RBFOX1: variants seen among roughly 807,000 people sequenced by gnomAD.
RBFOX1 encodes the protein RNA binding fox-1 homolog 1.
Under a neutral mutation model 57.7 loss-of-function variants are expected in RBFOX1, and 8 were observed. The ratio of observed to expected loss-of-function variants is 0.14; its 90% CI spans 0.08 to 0.25. The LOEUF (loss-of-function observed/expected upper bound fraction) is 0.25, where lower values mean the gene tolerates loss of function less well. Among genes scored for constraint, RBFOX1 ranks in the 10% least tolerant of loss-of-function variants. The probability of loss-of-function intolerance (pLI) is 1.00; values close to 1 mark genes in which losing one functional copy is unlikely to be tolerated. For synonymous variants in RBFOX1, 326 were observed against 222.4 expected (o/e 1.47, Z -4.15); for missense variants, 611 against 548.5 (o/e 1.11, Z -1.14).
At chr16:6,887,155 C>A (rs2064248524) in intron 3 of RBFOX1, among the ~76,000 whole-genome samples, 1 of 152,102 alleles carries the variant, frequency 6.6e-6, no homozygotes, top group South Asian at 2.1e-4. Context: ...CTCTGCTGTT[C>A]TTCTTGTTAT....
In RBFOX1 at chr16:6,929,455, C is replaced by T. The variant is rs543948283; in HGVS notation, c.-15-122602C>T. On this transcript the variant is annotated intron_variant, in intron 3 of 15. Coordinates refer to ENST00000550418, the MANE Select transcript of RBFOX1 (RefSeq NM_018723.4). The stretch of plus-strand genomic sequence containing the variant: ...GCAGTTCCCTGGTATATATCAGAAG[C>T]GTGCTTTTCTGTATTCTAAGCAGTT... Among the ~76,000 whole-genome samples the T allele has an allele frequency of 5.1e-4, 78 of 152,224 alleles. 1 individual carries two copies. The highest frequency in any genetic ancestry group is 1.7e-3 in the South Asian group (8 of 4,824).
chr16:6,500,076 C>T (rs2095869690), intron 2 of RBFOX1, among the ~76,000 whole-genome samples: 1 of 152,088 alleles, frequency 6.6e-6, no homozygotes, highest in African/African-American at 2.4e-5. Context: ...TGAATGATGT[C>T]ATTTCCTTTG....
chr16:7,685,370 G>C (rs1277080259), intron 14 of RBFOX1, among the ~76,000 whole-genome samples: 1 of 152,066 alleles, frequency 6.6e-6, no homozygotes, highest in African/African-American at 2.4e-5. Context: ...CTGGCCCAGG[G>C]CCACAATTAA....
At chr16:7,370,585 C>T (rs1265029918) in intron 4 of RBFOX1, among the ~76,000 whole-genome samples, 2 of 152,196 alleles carry the variant, frequency 1.3e-5, no homozygotes, top group Non-Finnish European at 2.9e-5. Context: ...GATGTGCTGC[C>T]TTGCAGAGTT....
At chr16:5,799,987 C>G (rs1424181602) in intron 3 of RBFOX1, among the ~76,000 whole-genome samples, 1 of 151,956 alleles carries the variant, frequency 6.6e-6, no homozygotes. Flanking sequence ...ATGCATGTCT[C>G]CCAAGATATA....
intron 2 of RBFOX1, among the ~76,000 whole-genome samples, chr16:6,568,164 C>T (rs2097293839): frequency 6.6e-6 from 1 of 152,140 alleles, no homozygotes; most frequent in Non-Finnish European, 1.5e-5. Context: ...CCTCTCAAAA[C>T]AACAAAAGTT....
chr16:6,249,946 C>A (rs1395640597), intron 1 of RBFOX1, among the ~76,000 whole-genome samples: 5 of 151,980 alleles, frequency 3.3e-5, no homozygotes, highest in African/African-American at 1.2e-4. Flanking sequence ...CCACAATAGG[C>A]CCACATTTTA....
At chr16:5,254,634 C>T (rs1414858218) in intron 1 of RBFOX1, among the ~76,000 whole-genome samples, 1 of 152,156 alleles carries the variant, frequency 6.6e-6, no homozygotes, top group Non-Finnish European at 1.5e-5. Context: ...TAGAAATTTT[C>T]CCCATTACTA....
At chr16:7,299,650 A>C (rs2095983355) in intron 4 of RBFOX1, among the ~76,000 whole-genome samples, 1 of 152,172 alleles carries the variant, frequency 6.6e-6, no homozygotes, top group Non-Finnish European at 1.5e-5. Context: ...TGCCTAGAGA[A>C]ACTGTGTCTG....
intron 4 of RBFOX1, among the ~76,000 whole-genome samples, chr16:5,957,043 C>T (rs111826104): frequency 6.6e-4 from 101 of 152,136 alleles, no homozygotes; most frequent in African/African-American, 2.4e-3. Context: ...GAAATATTTA[C>T]ACCACAGTAA....
intron 4 of RBFOX1, among the ~76,000 whole-genome samples, chr16:7,165,246 A>C (rs568963442): frequency 5.9e-5 from 9 of 152,020 alleles, no homozygotes; most frequent in South Asian, 4.2e-4. Flanking sequence ...GAGGTTGTGC[A>C]TTGCTCCAAG....
chr16:7,562,132 A>G (rs2090526502), intron 5 of RBFOX1, among the ~76,000 whole-genome samples: 1 of 152,222 alleles, frequency 6.6e-6, no homozygotes, highest in Non-Finnish European at 1.5e-5. Flanking sequence ...GACCATTAAC[A>G]CAGAAGACAG....
In RBFOX1 at chr16:7,323,669, C is replaced by G. The variant is rs80211966; in HGVS notation, c.28-194478C>G. ...ACTAATGTACTAGATGGAACAGACT[C>G]TACTTCATAGGAATGAAGAGGGGAT... On this transcript the variant is annotated intron_variant, in intron 4 of 15. Transcript: ENST00000550418. Among the ~76,000 whole-genome samples the G allele has an allele frequency of 7.4e-3, 1,127 of 152,258 alleles. 14 individuals carry two copies. The highest frequency in any genetic ancestry group is 0.026 in the African/African-American group (1,060 of 41,542).
At chr16:6,427,367 G>T (rs78552918) in intron 2 of RBFOX1, among the ~76,000 whole-genome samples, 262 of 152,272 alleles carry the variant, frequency 1.7e-3, no homozygotes, top group Non-Finnish European at 2.2e-3. Context: ...TATAGGAAAC[G>T]GTTCCCACAT....
intron 4 of RBFOX1, among the ~76,000 whole-genome samples, chr16:7,178,205 A>C (rs1390734868): frequency 6.6e-6 from 1 of 152,224 alleles, no homozygotes; most frequent in African/African-American, 2.4e-5. Context: ...TCTCTAGGGA[A>C]ACTTTCCTCC....
intron 3 of RBFOX1, among the ~76,000 whole-genome samples, chr16:7,021,268 G>C (rs925548113): frequency 2.0e-5 from 3 of 150,650 alleles, no homozygotes; most frequent in Admixed American, 6.6e-5. Flanking sequence ...GTTACTACTT[G>C]AGTCCTCTTG....
At chr16:6,762,713 G>A (rs1428004367) in intron 3 of RBFOX1, among the ~76,000 whole-genome samples, 1 of 152,166 alleles carries the variant, frequency 6.6e-6, no homozygotes, top group Non-Finnish European at 1.5e-5. Flanking sequence ...TAAAGAATAG[G>A]TTGAGTTCTA....
At chr16:5,876,537 C>T (rs947066413) in intron 4 of RBFOX1, among the ~76,000 whole-genome samples, 1 of 152,242 alleles carries the variant, frequency 6.6e-6, no homozygotes, top group Non-Finnish European at 1.5e-5. Flanking sequence ...AATCTCATCT[C>T]TCCTCCTCTA....
intron 3 of RBFOX1, among the ~76,000 whole-genome samples, chr16:6,869,395 T>C (rs965642093): frequency 7.2e-5 from 11 of 152,182 alleles, no homozygotes; most frequent in African/African-American, 2.4e-4. Flanking sequence ...CATGGGTCTT[T>C]CAAGCTCCAA....
Sources: allele counts gnomAD v4.1 joint callset (sites outside exome capture counted in the v4.1 genomes callset), GRCh38; gene constraint gnomAD v4.1.1; transcripts MANE v1.5; gene names NCBI Gene and HGNC (gene_info 2026-07-23, HGNC 2026-07-21).